The following ADAMTS6 variants were observed in gnomAD, a reference collection of about 807,000 sequenced individuals.
The protein encoded by ADAMTS6 is A disintegrin and metalloproteinase with thrombospondin motifs 6.
ADAMTS6 carries 23 observed loss-of-function variants against 144.3 expected under a neutral mutation model. The observed-to-expected ratio is 0.16, with a 90% confidence interval of 0.11 to 0.23. The LOEUF is 0.23. Ranked by LOEUF, ADAMTS6 falls within the 10% of genes least tolerant of loss-of-function variation. The pLI is 1.00. For missense variants in ADAMTS6, 999 were observed against 1,379.6 expected (o/e 0.72, Z 4.37); for synonymous variants, 444 against 457.5 (o/e 0.97, Z 0.38).
Position 65,201,932 on chromosome 5 carries a change from T to C in ADAMTS6, c.2576-4781A>G, listed in dbSNP as rs73761665. Among the ~76,000 whole-genome samples the C allele has an allele frequency of 8.8e-3, 1,343 of 152,284 alleles. 19 individuals carry two copies. The highest frequency in any genetic ancestry group is 0.03 in the African/African-American group (1,258 of 41,546). On this transcript the variant is annotated intron_variant, in intron 20 of 24. Coordinates refer to ENST00000381055, the MANE Select transcript of ADAMTS6 (RefSeq NM_197941.4). ...ATATTAATTTAATTTAAATCTTTAA[T>C]GCAGATAGCATCCAAAGAGTGACAA... is the stretch of plus-strand genomic sequence containing the variant.
At chr5:65,223,092 T>C (rs1236640826) in intron 18 of ADAMTS6, among the ~76,000 whole-genome samples, 1 of 152,142 alleles carries the variant, frequency 6.6e-6, no homozygotes, top group Admixed American at 6.5e-5. Context: ...TACCAAGTAT[T>C]GACAAGGATG....
chr5:65,211,759 C>G (rs956695525), intron 20 of ADAMTS6, among the ~76,000 whole-genome samples: 1 of 152,188 alleles, frequency 6.6e-6, no homozygotes. Flanking sequence ...CAACTCTAAA[C>G]TTTCATCTCC....
chr5:65,433,333 A>T (rs1757139878), intron 7 of ADAMTS6, among the ~76,000 whole-genome samples: 1 of 152,162 alleles, frequency 6.6e-6, no homozygotes, highest in South Asian at 2.1e-4. Context: ...ACATCATGTC[A>T]TAACATTATA....
intron 23 of ADAMTS6, 46 bp from the exon 24 acceptor site, chr5:65,170,819 T>A (rs1451962400): frequency 6.3e-7 from 1 of 1,577,908 alleles, no homozygotes; most frequent in South Asian, 1.1e-5. Flanking sequence ...CTCAACAATT[T>A]TCAGGAGGTA....
At chr5:65,394,094 C>T (rs1235831132) in intron 7 of ADAMTS6, among the ~76,000 whole-genome samples, 4 of 152,190 alleles carry the variant, frequency 2.6e-5, no homozygotes, top group Non-Finnish European at 5.9e-5. Flanking sequence ...CTTTGACATT[C>T]TCCTCAAGAG....
chr5:65,377,078 T>C (rs1325011689), intron 7 of ADAMTS6, among the ~76,000 whole-genome samples: 1 of 152,100 alleles, frequency 6.6e-6, no homozygotes, highest in Non-Finnish European at 1.5e-5. Flanking sequence ...CTTTCTGGAA[T>C]AGAATATGAC....
At chr5:65,237,596 T>A (rs1246462420) in intron 15 of ADAMTS6, among the ~76,000 whole-genome samples, 1 of 152,070 alleles carries the variant, frequency 6.6e-6, no homozygotes, top group East Asian at 1.9e-4. Context: ...AAGATTCTAT[T>A]TTGGGAAACC....
At chr5:65,330,186 C>T (rs1327594359) in intron 8 of ADAMTS6, among the ~76,000 whole-genome samples, 3 of 151,700 alleles carry the variant, frequency 2.0e-5, no homozygotes, top group South Asian at 2.1e-4. Flanking sequence ...GGTGTTAATT[C>T]GCTGATTCCA....
At chr5:65,274,124 T>TC (rs1190530840) in intron 11 of ADAMTS6, among the ~76,000 whole-genome samples, 1 of 152,168 alleles carries the variant, frequency 6.6e-6, no homozygotes, top group Non-Finnish European at 1.5e-5. Flanking sequence ...TCCTATGATT[T>TC]TCCATTATCC....
intron 18 of ADAMTS6, among the ~76,000 whole-genome samples, chr5:65,218,367 TA>T (rs1757078216): frequency 6.6e-6 from 1 of 152,180 alleles, no homozygotes; most frequent in African/African-American, 2.4e-5. Flanking sequence ...TGACACCCTT[TA>T]AAAAAATAAA....
intron 19 of ADAMTS6, 95 bp downstream of exon 19, chr5:65,215,229 A>T: frequency 6.6e-6 from 9 of 1,370,978 alleles, no homozygotes; most frequent in Non-Finnish European, 9.0e-6. Flanking sequence ...CCTTAATTTC[A>T]TCACCTGTAA....
At chr5:65,362,542 T>A (rs886511896) in intron 7 of ADAMTS6, among the ~76,000 whole-genome samples, 3 of 152,198 alleles carry the variant, frequency 2.0e-5, no homozygotes, top group African/African-American at 4.8e-5. Context: ...AAAATAAAAT[T>A]ATAAATCTAG....
rs116712921 is a variant in ADAMTS6 at position 65,292,805 on chromosome 5, C to T, written c.1371-1335G>A. Among the ~76,000 whole-genome samples, 1,482 of 152,136 alleles carry T rather than the reference C, an allele frequency of 9.7e-3. 17 individuals carry two copies. Among genetic ancestry groups the T allele is most frequent in the African/African-American group, 0.034 (1,407 of 41,522 alleles). On this transcript the variant is annotated intron_variant, in intron 10 of 24. Transcript: ENST00000381055. The stretch of plus-strand genomic sequence containing the variant: ...TAATACAGATGGATTTTACCACTGG[C>T]TACTACAATCATTTCATTTGTCACT...
chr5:65,246,301 T>C (rs1232165429), intron 14 of ADAMTS6, among the ~76,000 whole-genome samples: 2 of 152,166 alleles, frequency 1.3e-5, no homozygotes, highest in Non-Finnish European at 2.9e-5. Flanking sequence ...CATCATAACT[T>C]ACTGTTAGTC....
At chr5:65,166,497 C>T (rs1753170996) in intron 24 of ADAMTS6, among the ~76,000 whole-genome samples, 1 of 50,998 alleles carries the variant, frequency 2.0e-5, no homozygotes, top group African/African-American at 8.2e-5. Flanking sequence ...AACAAGGATA[C>T]CCAGGAATTG....
intron 7 of ADAMTS6, among the ~76,000 whole-genome samples, chr5:65,442,836 C>CT (rs917710596): frequency 2.6e-5 from 4 of 152,162 alleles, no homozygotes; most frequent in Non-Finnish European, 4.4e-5. Context: ...TCCCCTTCCC[C>CT]TACCCTCAAC....
intron 7 of ADAMTS6, among the ~76,000 whole-genome samples, chr5:65,363,097 A>G (rs1474552692): frequency 2.0e-5 from 3 of 152,192 alleles, no homozygotes; most frequent in Non-Finnish European, 2.9e-5. Flanking sequence ...ATTAAATTAT[A>G]TTCAAAGTAG....
intron 7 of ADAMTS6, among the ~76,000 whole-genome samples, chr5:65,371,162 G>T (rs1750861142): frequency 6.6e-6 from 1 of 152,116 alleles, no homozygotes; most frequent in South Asian, 2.1e-4. Flanking sequence ...AAACCACAAA[G>T]ATGGGGAAAA....
chr5:65,425,833 G>A (rs184664633), intron 7 of ADAMTS6, among the ~76,000 whole-genome samples: 4 of 151,128 alleles, frequency 2.6e-5, no homozygotes, highest in Admixed American at 6.6e-5. Context: ...GCGCGATGTC[G>A]GCTCACTGCA....
Sources: gnomAD v4.1 joint callset for allele counts (sites outside exome capture counted in the v4.1 genomes callset) on GRCh38, gnomAD v4.1.1 for gene constraint, MANE v1.5 for transcripts, NCBI Gene and HGNC (gene_info 2026-07-23, HGNC 2026-07-21) for gene names.